The following STPG2 variants were observed in gnomAD, a reference collection of about 807,000 sequenced individuals.
STPG2 encodes sperm-tail PG-rich repeat-containing protein 2.
In STPG2, 56 loss-of-function variants were observed where a neutral mutation model predicts 54.2. That is an observed-to-expected ratio of 1.03 (90% CI 0.83 to 1.29). The LOEUF (loss-of-function observed/expected upper bound fraction) is 1.29. Ranked by LOEUF, STPG2 falls within the 50% of genes most tolerant of loss-of-function variation. The pLI, the probability that STPG2 is intolerant of heterozygous loss-of-function variation, is 0.00. For synonymous variants in STPG2, 200 were observed against 181.8 expected, an observed-to-expected ratio of 1.10 and a Z score of -0.81; for missense variants, 596 against 544.9, an observed-to-expected ratio of 1.09 and a Z score of -0.93.
intron 4 of STPG2, among the ~76,000 whole-genome samples, chr4:97,533,647 T>C (rs955378332): frequency 1.3e-5 from 2 of 152,142 alleles, no homozygotes; most frequent in African/African-American, 2.4e-5. Flanking sequence ...ATTAGTGTCA[T>C]GAAATCACAA....
intron 7 of STPG2, among the ~76,000 whole-genome samples, chr4:97,957,700 A>G (rs1444879950): frequency 1.3e-5 from 2 of 152,184 alleles, no homozygotes; most frequent in Admixed American, 6.5e-5. Context: ...AGGAAAACCT[A>G]TCAGATTAAA....
intron 5 of STPG2, among the ~76,000 whole-genome samples, chr4:98,062,427 C>A (rs1737689544): frequency 6.6e-6 from 1 of 151,972 alleles, no homozygotes; most frequent in African/African-American, 2.4e-5. Flanking sequence ...CAAACTTTCG[C>A]ATGTACCCCA....
At position 97,915,957 on chromosome 4, in the gene STPG2, A is replaced by C. The variant is rs143875069; in HGVS notation, c.1044+27940T>G. On this transcript the variant is annotated intron_variant, in intron 8 of 10. Coordinates refer to ENST00000295268, the MANE Select transcript of STPG2 (RefSeq NM_174952.3). ...AAGCAGTTAGAAGGTCACTGGTGAT[A>C]GCAGATGGGGCATAATTAGTCAGAA... 3.5e-4 allele frequency among the ~76,000 whole-genome samples: 53 copies of C among 152,326 alleles called. 1 individual carries two copies. In the East Asian group the frequency reaches 9.1e-3, roughly 26 times the overall value.
chr4:97,742,557 G>A (rs201227289), intron 9 of STPG2, among the ~76,000 whole-genome samples: 34,973 of 115,426 alleles, frequency 0.3, 5,229 homozygotes, highest in Non-Finnish European at 0.37. Flanking sequence ...GTGTGTGTGT[G>A]TGTGTGTGTC....
chr4:98,076,243 C>CA lies in STPG2; in HGVS notation c.612+29709dup, dbSNP rs35410084. Among the ~76,000 whole-genome samples, 927 of 127,104 alleles carry CA rather than the reference C, an allele frequency of 7.3e-3. 9 individuals carry two copies. The highest frequency in any genetic ancestry group is 0.022 in the African/African-American group (752 of 33,674). The allele number at this position is 127,104 out of a possible 152,430, so 83.4% of individuals were successfully genotyped here. A position where few individuals can be genotyped will look rare whatever the true frequency, so the allele number is the denominator to read the frequency against. ...TGGGCAACAGAGCGAGACTCTGTCTCAAAAAAAAAAAAAAGAAGCAGCAAA... is the reference window on the plus strand; with the variant it reads ...TGGGCAACAGAGCGAGACTCTGTCTCAAAAAAAAAAAAAAAGAAGCAGCAAA... On this transcript the variant is annotated intron_variant, in intron 5 of 10. Transcript: ENST00000295268.
At chr4:98,060,841 G>C (rs1283525966) in intron 5 of STPG2, among the ~76,000 whole-genome samples, 1 of 152,070 alleles carries the variant, frequency 6.6e-6, no homozygotes, top group Non-Finnish European at 1.5e-5. Flanking sequence ...TCAATTAATG[G>C]TACTGAGATA....
chr4:97,540,977 A>G (rs566613720), intron 4 of STPG2, among the ~76,000 whole-genome samples: 13 of 152,324 alleles, frequency 8.5e-5, no homozygotes, highest in African/African-American at 3.1e-4. Flanking sequence ...TTTCAAAATA[A>G]TAAGAGGTAT....
In STPG2 at chr4:98,128,567, G is replaced by C. The variant is rs762133113; in HGVS notation, c.248C>G (p.Thr83Ser). The C allele has an allele frequency of 1.9e-6, 3 of 1,607,588 alleles. No homozygotes were observed. The African/African-American group carries it at 4.0e-5, about 22-fold the overall frequency. The part of the protein sequence containing the change: ...AQKISRSPTL[T>S]RSVDVPSIPS... ...AATTGAAGGAACATCAACACTTCTG[G>C]TAAGTGTAGGTGATCTTGAAATTTT... Residue 83 changes from threonine to serine, a missense_variant, in exon 3 of 11, where the codon ACC (threonine) becomes AGC (serine). Thr to Ser is a moderately conservative substitution (Grantham distance 58, BLOSUM62 1). Coordinates refer to ENST00000295268, the MANE Select transcript of STPG2 (RefSeq NM_174952.3).
chr4:97,906,869 A>C (rs1438637578), intron 8 of STPG2, among the ~76,000 whole-genome samples: 1 of 152,132 alleles, frequency 6.6e-6, no homozygotes, highest in Non-Finnish European at 1.5e-5. Context: ...ACGTATCTCA[A>C]AATAATAAGA....
intron 9 of STPG2, among the ~76,000 whole-genome samples, chr4:97,747,858 G>A (rs1725467327): frequency 1.3e-5 from 2 of 151,336 alleles, no homozygotes; most frequent in Non-Finnish European, 3.0e-5. Context: ...TTATTCAGAC[G>A]TTTGAATATC....
In STPG2 at chr4:97,943,241, C is replaced by A. The variant is rs549103026; in HGVS notation, c.1044+656G>T. On this transcript the variant is annotated intron_variant, in intron 8 of 10. Transcript: ENST00000295268. ...AAAGTGCCACCTCCTAATACCATCA[C>A]CTTGGGAGTTAGGATTTCAACATAT... 8.5e-5 allele frequency among the ~76,000 whole-genome samples: 13 copies of A among 152,194 alleles called. No individual in the cohort carries two copies. The South Asian group carries it at 2.7e-3, about 32-fold the overall frequency.
At chr4:97,495,922 G>GT (rs1330266916) in intron 4 of STPG2, among the ~76,000 whole-genome samples, 4 of 151,576 alleles carry the variant, frequency 2.6e-5, no homozygotes, top group South Asian at 2.1e-4. Flanking sequence ...AATATTTGCT[G>GT]TTTTTTCCTT....
At chr4:97,939,202 C>T (rs1356795184) in intron 8 of STPG2, among the ~76,000 whole-genome samples, 1 of 152,082 alleles carries the variant, frequency 6.6e-6, no homozygotes, top group Non-Finnish European at 1.5e-5. Flanking sequence ...AGTTCTCTTA[C>T]ATTTGTTGAA....
intron 5 of STPG2, among the ~76,000 whole-genome samples, chr4:98,040,537 G>A (rs1307124033): frequency 6.6e-6 from 1 of 151,694 alleles, no homozygotes; most frequent in African/African-American, 2.4e-5. Context: ...TTTTAGTATG[G>A]CTAGCCAATT....
intron 4 of STPG2, among the ~76,000 whole-genome samples, chr4:97,542,805 T>A (rs531101753): frequency 6.6e-6 from 1 of 151,566 alleles, no homozygotes; most frequent in Non-Finnish European, 1.5e-5. Flanking sequence ...AAATGATGAG[T>A]TCATGTCCTT....
At chr4:97,541,316 T>G (rs11943310) in intron 4 of STPG2, among the ~76,000 whole-genome samples, 73,406 of 151,760 alleles carry the variant, frequency 0.48, 18,509 homozygotes, top group South Asian at 0.63. Flanking sequence ...AGCATTCTTA[T>G]ACACCAATAA....
intron 3 of STPG2, among the ~76,000 whole-genome samples, chr4:98,121,725 T>TG (rs1327315010): frequency 6.6e-4 from 100 of 151,440 alleles, no homozygotes; most frequent in Non-Finnish European, 7.7e-4. Context: ...CTGTGATTTT[T>TG]TTTGTGTGTG....
At chr4:97,811,188 T>C (rs1727729127) in intron 9 of STPG2, among the ~76,000 whole-genome samples, 1 of 152,000 alleles carries the variant, frequency 6.6e-6, no homozygotes, top group Non-Finnish European at 1.5e-5. Context: ...TTTAGGCGGT[T>C]AGTTTACTTA....
chr4:97,733,356 T>C (rs1232359604), intron 9 of STPG2, among the ~76,000 whole-genome samples: 2 of 152,016 alleles, frequency 1.3e-5, no homozygotes, highest in African/African-American at 4.8e-5. Context: ...TCAAAAATCA[T>C]ATATTCTCAC....
Sources: gnomAD v4.1 joint callset for allele counts (sites outside exome capture counted in the v4.1 genomes callset) on GRCh38, gnomAD v4.1.1 for gene constraint, MANE v1.5 for transcripts, NCBI Gene and HGNC (gene_info 2026-07-23, HGNC 2026-07-21) for gene names.